Variants in RGS7BP observed in about 807,000 individuals in gnomAD.
RGS7BP encodes the protein regulator of G protein signaling 7-binding protein.
RGS7BP carries 9 observed loss-of-function variants against 31.3 expected under a neutral mutation model. That is an observed-to-expected ratio of 0.29 (90% confidence interval 0.17 to 0.50). The LOEUF is 0.50. Ranked by LOEUF, RGS7BP falls within the 20% of genes least tolerant of loss-of-function variation. The pLI is 0.98. For missense variants in RGS7BP, 274 were observed against 322.0 expected, an observed-to-expected ratio of 0.85 and a Z score of 1.14; for synonymous variants, 115 against 120.1, an observed-to-expected ratio of 0.96 and a Z score of 0.28.
chr5:64,550,488 T>C (rs183679817), intron 2 of RGS7BP, among the ~76,000 whole-genome samples: 1 of 150,276 alleles, frequency 6.7e-6, no homozygotes, highest in African/African-American at 2.5e-5. Flanking sequence ...CATCATCACA[T>C]TGACAGTTAC....
chr5:64,573,756 ATT>A (rs1278268407), intron 2 of RGS7BP: 1 of 150,532 alleles, frequency 6.6e-6, no homozygotes, highest in Non-Finnish European at 1.5e-5. Context: ...ACCATAATGT[ATT>A]TTATATTTCA....
intron 2 of RGS7BP, among the ~76,000 whole-genome samples, chr5:64,542,093 CT>C (rs1741540906): frequency 6.6e-6 from 1 of 152,218 alleles, no homozygotes; most frequent in Non-Finnish European, 1.5e-5. Flanking sequence ...TTCTGACATG[CT>C]GCATTTGCCA....
chr5:64,606,461 A>G (rs1430463240), intron 5 of RGS7BP, among the ~76,000 whole-genome samples: 1 of 152,090 alleles, frequency 6.6e-6, no homozygotes, highest in Non-Finnish European at 1.5e-5. Flanking sequence ...AAAGAACACT[A>G]TGAAGATCTT....
chr5:64,603,428 G>A (rs1363927628), intron 5 of RGS7BP, among the ~76,000 whole-genome samples: 1 of 152,132 alleles, frequency 6.6e-6, no homozygotes, highest in Non-Finnish European at 1.5e-5. Context: ...TGATCTGAGA[G>A]GACTGAAACA....
chr5:64,591,189 C>T (rs1159191121), intron 3 of RGS7BP, among the ~76,000 whole-genome samples: 1 of 151,962 alleles, frequency 6.6e-6, no homozygotes, highest in Non-Finnish European at 1.5e-5. Context: ...CCCTACAAAT[C>T]AATAAGAAAC....
chr5:64,550,255 A>G (rs986816656), intron 2 of RGS7BP, among the ~76,000 whole-genome samples: 1 of 152,234 alleles, frequency 6.6e-6, no homozygotes. Context: ...TCTCACAGTT[A>G]TGAAAGCTGA....
intron 2 of RGS7BP, among the ~76,000 whole-genome samples, chr5:64,511,866 G>C (rs184093632): frequency 1.3e-5 from 2 of 152,152 alleles, no homozygotes; most frequent in Non-Finnish European, 2.9e-5. Flanking sequence ...CCCATTCATG[G>C]GGTAGTTGAG....
chr5:64,559,988 C>A (rs1742015108), intron 2 of RGS7BP, among the ~76,000 whole-genome samples: 1 of 152,124 alleles, frequency 6.6e-6, no homozygotes, highest in African/African-American at 2.4e-5. Flanking sequence ...AAGTAACTGT[C>A]ATGTTTCAGA....
chr5:64,575,539 C>G (rs1389562055), intron 2 of RGS7BP: 3 of 468,572 alleles, frequency 6.4e-6, no homozygotes, highest in Admixed American at 4.8e-5. Context: ...TGATTTTAAG[C>G]TCCCGGCAGA....
intron 2 of RGS7BP, among the ~76,000 whole-genome samples, chr5:64,541,432 G>T (rs934872326): frequency 6.6e-6 from 1 of 152,172 alleles, no homozygotes; most frequent in Non-Finnish European, 1.5e-5. Flanking sequence ...CCATATCAAT[G>T]GGTCCCCAAA....
chr5:64,570,239 G>A (rs1742273095), intron 2 of RGS7BP, among the ~76,000 whole-genome samples: 3 of 152,056 alleles, frequency 2.0e-5, no homozygotes, highest in African/African-American at 4.8e-5. Flanking sequence ...AAAAGGGATT[G>A]CAGCCAACTT....
chr5:64,602,688 G>T (rs1743250243), intron 5 of RGS7BP, among the ~76,000 whole-genome samples: 2 of 152,104 alleles, frequency 1.3e-5, no homozygotes, highest in Admixed American at 1.3e-4. Flanking sequence ...CTTCAGGGTT[G>T]GGCTGAAAAC....
intron 2 of RGS7BP, among the ~76,000 whole-genome samples, chr5:64,515,948 C>T (rs1232228290): frequency 6.6e-6 from 1 of 151,940 alleles, no homozygotes; most frequent in Admixed American, 6.5e-5. Context: ...TACAGGCATG[C>T]ACTACCAGAC....
At chr5:64,530,551 T>A (rs1035325353) in intron 2 of RGS7BP, among the ~76,000 whole-genome samples, 4 of 152,200 alleles carry the variant, frequency 2.6e-5, no homozygotes, top group African/African-American at 9.7e-5. Flanking sequence ...AATGCTAGTG[T>A]CAGTGCTTGA....
At chr5:64,578,328 T>C (rs574571005) in intron 3 of RGS7BP, among the ~76,000 whole-genome samples, 1 of 152,344 alleles carries the variant, frequency 6.6e-6, no homozygotes, top group Non-Finnish European at 1.5e-5. Flanking sequence ...GTACCTTTGA[T>C]TTCTCCCCTA....
intron 2 of RGS7BP, among the ~76,000 whole-genome samples, chr5:64,529,156 C>T (rs1315080389): frequency 6.6e-6 from 1 of 151,684 alleles, no homozygotes; most frequent in East Asian, 1.9e-4. Context: ...CATTTTAATA[C>T]CAAAAAAAGA....
intron 5 of RGS7BP, chr5:64,601,378 T>G: frequency 1.3e-6 from 1 of 783,338 alleles, no homozygotes; most frequent in Non-Finnish European, 1.5e-6. Context: ...AAAGACTTAA[T>G]CATATCTTCT....
intron 2 of RGS7BP, among the ~76,000 whole-genome samples, chr5:64,550,969 A>G (rs1351546753): frequency 1.3e-5 from 2 of 151,968 alleles, no homozygotes; most frequent in African/African-American, 4.8e-5. Context: ...TTTTCTTAAT[A>G]TATTAAAAAT....
rs879696236 is a variant in RGS7BP, at chr5:64,559,732, C to T, written c.333-16042C>T. Among the ~76,000 whole-genome samples, 16 of 152,100 alleles carry T rather than the reference C, an allele frequency of 1.1e-4. 1 individual carries two copies. The highest frequency in any genetic ancestry group is 2.7e-4 in the African/African-American group (11 of 41,482). On this transcript the variant is annotated intron_variant, in intron 2 of 5. Coordinates refer to ENST00000334025, the MANE Select transcript of RGS7BP (RefSeq NM_001029875.3). ...TGAAAAAAGGCAAAACAAGCTTTACCGATGCAGTACATTTGCCAGGTGCTG... is the reference window on the plus strand; with the variant it reads ...TGAAAAAAGGCAAAACAAGCTTTACTGATGCAGTACATTTGCCAGGTGCTG...
Sources: allele counts gnomAD v4.1 joint callset (sites outside exome capture counted in the v4.1 genomes callset), GRCh38; gene constraint gnomAD v4.1.1; transcripts MANE v1.5; gene names NCBI Gene and HGNC (gene_info 2026-07-23, HGNC 2026-07-21).